Variants in AMBRA1 observed in about 807,000 individuals in gnomAD.
The protein encoded by AMBRA1 is activating molecule in BECN1-regulated autophagy protein 1.
AMBRA1 carries 47 observed loss-of-function variants against 125.4 expected under a neutral mutation model. That is an observed-to-expected ratio of 0.37 (90% confidence interval 0.30 to 0.48). AMBRA1 has a LOEUF of 0.48. AMBRA1 is among the 20% of genes least tolerant of loss of function. AMBRA1 has a pLI of 0.99. For missense variants in AMBRA1, 1,331 were observed against 1,693.4 expected (o/e 0.79, Z 3.76); for synonymous variants, 626 against 655.5 (o/e 0.95, Z 0.69).
At chr11:46,537,709 G>A (rs1404991226) in intron 7 of AMBRA1, among the ~76,000 whole-genome samples, 1 of 152,156 alleles carries the variant, frequency 6.6e-6, no homozygotes, top group Non-Finnish European at 1.5e-5. Flanking sequence ...TTACCACTTG[G>A]CAGCACACAG....
intron 1 of AMBRA1, among the ~76,000 whole-genome samples, chr11:46,551,138 G>A (rs970886277): frequency 2.0e-5 from 3 of 149,772 alleles, no homozygotes; most frequent in Non-Finnish European, 4.4e-5. Flanking sequence ...AAAATATATT[G>A]TCGAGAGAAA....
chr11:46,497,680 G>A (rs1049603940), intron 9 of AMBRA1, among the ~76,000 whole-genome samples: 2 of 152,170 alleles, frequency 1.3e-5, no homozygotes, highest in Admixed American at 6.5e-5. Flanking sequence ...CTTGAATACC[G>A]GAATGGGTAA....
At chr11:46,455,354 T>C (rs1260819533) in intron 11 of AMBRA1, among the ~76,000 whole-genome samples, 1 of 152,196 alleles carries the variant, frequency 6.6e-6, no homozygotes, top group Non-Finnish European at 1.5e-5. Flanking sequence ...CAGTCCCTGG[T>C]CACCACCATT....
intron 13 of AMBRA1, 109 bp downstream of exon 13, chr11:46,434,739 TA>T (rs1947637750): frequency 8.8e-7 from 1 of 1,138,334 alleles, no homozygotes; most frequent in African/African-American, 1.6e-5. Flanking sequence ...CCAGTGAAGG[TA>T]GGGGCAGTAT....
At chr11:46,445,065 G>GAAAAAAAAAAAAA (rs1196067258) in intron 11 of AMBRA1, among the ~76,000 whole-genome samples, 1 of 93,302 alleles carries the variant, frequency 1.1e-5, no homozygotes. Flanking sequence ...GCAAAAAAAA[G>GAAAAAAAAAAAAA]AAAAACAAAA....
intron 11 of AMBRA1, among the ~76,000 whole-genome samples, chr11:46,484,325 A>G (rs1406765135): frequency 6.6e-6 from 1 of 152,210 alleles, no homozygotes; most frequent in Non-Finnish European, 1.5e-5. Context: ...CAAAGCACAT[A>G]CTAATCATAA....
intron 17 of AMBRA1, among the ~76,000 whole-genome samples, chr11:46,400,547 A>G (rs1320562836): frequency 1.5e-5 from 2 of 129,136 alleles, no homozygotes; most frequent in Non-Finnish European, 3.1e-5. Context: ...ACTGGAGTGC[A>G]ATGGTACAAA....
chr11:46,492,293 C>T (rs1327990047), intron 11 of AMBRA1, among the ~76,000 whole-genome samples: 1 of 152,178 alleles, frequency 6.6e-6, no homozygotes, highest in Non-Finnish European at 1.5e-5. Context: ...TTGGATCAAA[C>T]ATACTATTTA....
At chr11:46,445,399 A>C (rs1163146981) in intron 11 of AMBRA1, among the ~76,000 whole-genome samples, 1 of 152,042 alleles carries the variant, frequency 6.6e-6, no homozygotes, top group Admixed American at 6.6e-5. Flanking sequence ...CTGACCTCAA[A>C]TCTCTATTTG....
At chr11:46,466,447 G>A (rs1330910992) in intron 11 of AMBRA1, among the ~76,000 whole-genome samples, 2 of 152,204 alleles carry the variant, frequency 1.3e-5, no homozygotes, top group African/African-American at 2.4e-5. Flanking sequence ...ACCTGAGAAG[G>A]AGCAGGAAAT....
chr11:46,516,423 CTTTTT>C (rs1162985350), intron 7 of AMBRA1, among the ~76,000 whole-genome samples: 4 of 73,176 alleles, frequency 5.5e-5, no homozygotes, highest in Non-Finnish European at 1.0e-4. Context: ...AAAGATCTTT[CTTTTT>C]TTTTTTTTTT....
chr11:46,408,683 G>A lies in AMBRA1; in HGVS notation c.3233C>T (p.Thr1078Ile), dbSNP rs773160077. ...RPGTSRATWR[T>I]DRDMGLMNAI... ...ATTCATCAGCCCCATGTCTCTGTCT[G>A]TCCTCCATGTGGCTCTGCTGGTTCT... The change falls in exon 17 of 18, where the codon ACA becomes ATA. Residue 1078 changes from threonine to isoleucine, a missense_variant. Coordinates refer to ENST00000683756, the MANE Select transcript of AMBRA1 (RefSeq NM_001387011.1). 1.3e-6 allele frequency: 2 copies of A among 1,566,338 alleles called. No homozygotes were observed. Among genetic ancestry groups the A allele is most frequent in the Non-Finnish European group, 1.7e-6 (2 of 1,152,486 alleles).
At chr11:46,429,456 T>C (rs1420974611) in intron 14 of AMBRA1, among the ~76,000 whole-genome samples, 2 of 152,204 alleles carry the variant, frequency 1.3e-5, no homozygotes, top group Admixed American at 6.5e-5. Flanking sequence ...GGGTGGTCCA[T>C]GTTAATTCCA....
At chr11:46,409,609 T>C (rs964690400) in intron 16 of AMBRA1, among the ~76,000 whole-genome samples, 5 of 152,186 alleles carry the variant, frequency 3.3e-5, no homozygotes, top group Non-Finnish European at 7.4e-5. Flanking sequence ...TTCTGGCCAA[T>C]GCTAGCATCC....
intron 1 of AMBRA1, among the ~76,000 whole-genome samples, chr11:46,573,400 T>C (rs1249568736): frequency 2.0e-5 from 3 of 150,630 alleles, no homozygotes; most frequent in Non-Finnish European, 4.4e-5. Context: ...TGAGACTCTG[T>C]CTCAGAAAAA....
At chr11:46,490,758 A>C (rs1378647451) in intron 11 of AMBRA1, among the ~76,000 whole-genome samples, 2 of 152,168 alleles carry the variant, frequency 1.3e-5, no homozygotes, top group African/African-American at 4.8e-5. Flanking sequence ...CTAACCACCT[A>C]GACTTGGAGC....
At chr11:46,417,702 T>C (rs1946606833) in intron 15 of AMBRA1, among the ~76,000 whole-genome samples, 1 of 152,046 alleles carries the variant, frequency 6.6e-6, no homozygotes, top group Non-Finnish European at 1.5e-5. Context: ...GAAAACATGA[T>C]CACTAAATCA....
At chr11:46,543,742 T>G (rs1479679351) in intron 6 of AMBRA1, among the ~76,000 whole-genome samples, 1 of 152,154 alleles carries the variant, frequency 6.6e-6, no homozygotes, top group Non-Finnish European at 1.5e-5. Context: ...CACTGTCTAG[T>G]GATGATAAGG....
chr11:46,565,241 A>T (rs1025327634), intron 1 of AMBRA1, among the ~76,000 whole-genome samples: 7 of 152,016 alleles, frequency 4.6e-5, no homozygotes, highest in African/African-American at 1.7e-4. Flanking sequence ...CCTGGGAGAC[A>T]GAGAAAAATT....
Sources: allele counts gnomAD v4.1 joint callset (sites outside exome capture counted in the v4.1 genomes callset), GRCh38; gene constraint gnomAD v4.1.1; transcripts MANE v1.5; gene names NCBI Gene and HGNC (gene_info 2026-07-23, HGNC 2026-07-21).